FCHO2: variants seen among roughly 807,000 people sequenced by gnomAD.
FCHO2 encodes the protein F-BAR domain only protein 2.
Under a neutral mutation model 114.1 loss-of-function variants are expected in FCHO2, and 43 were observed. That is an observed-to-expected ratio of 0.38 (90% CI 0.30 to 0.49). FCHO2 has a LOEUF of 0.49. FCHO2 is among the 20% of genes least tolerant of loss of function. The pLI is 0.97. For synonymous variants in FCHO2, 293 were observed against 315.2 expected, an observed-to-expected ratio of 0.93 and a Z score of 0.75; for missense variants, 807 against 950.4, an observed-to-expected ratio of 0.85 and a Z score of 1.98.
At chr5:72,983,468 A>G (rs949503354) in intron 2 of FCHO2, among the ~76,000 whole-genome samples, 1 of 150,696 alleles carries the variant, frequency 6.6e-6, no homozygotes. Context: ...GGCTCAATCA[A>G]TTCTTCTGCC....
Position 72,997,582 on chromosome 5 carries a change from C to T in FCHO2, c.495+6718C>T, listed in dbSNP as rs1374689324. 1.6e-5 allele frequency: 21 copies of T among 1,347,936 alleles called. No individual in the cohort carries two copies. The East Asian group carries it at 4.1e-4, about 27-fold the overall frequency. 83.5% of individuals were successfully genotyped at this position (1,347,936 alleles called of 1,614,324 possible). A position where few individuals can be genotyped will look rare whatever the true frequency, so the allele number is the denominator to read the frequency against. On this transcript the variant is annotated intron_variant, in intron 5 of 25. Transcript: ENST00000430046. ...ACCTGCTCCCGATGCTGGATGCCCTCAGGTTCACCGCTGATGTTCGTTCCG... is the reference window on the plus strand; with the variant it reads ...ACCTGCTCCCGATGCTGGATGCCCTTAGGTTCACCGCTGATGTTCGTTCCG...
intron 2 of FCHO2, among the ~76,000 whole-genome samples, chr5:72,976,975 C>T (rs1001297560): frequency 2.6e-5 from 4 of 152,126 alleles, no homozygotes; most frequent in East Asian, 1.9e-4. Flanking sequence ...TTTATGGCTG[C>T]GTAGATTCCA....
chr5:72,979,894 A>G (rs1012090327), intron 2 of FCHO2, among the ~76,000 whole-genome samples: 3 of 152,076 alleles, frequency 2.0e-5, no homozygotes, highest in Admixed American at 6.6e-5. Flanking sequence ...TCAAAAAACC[A>G]GCTCCTGGAT....
At chr5:73,078,585 T>G (rs1269811750) in intron 22 of FCHO2, among the ~76,000 whole-genome samples, 1 of 152,154 alleles carries the variant, frequency 6.6e-6, no homozygotes, top group East Asian at 1.9e-4. Context: ...ACAATGAAAC[T>G]CCCAAAGTAA....
At chr5:72,964,995 T>A (rs1462182399) in intron 1 of FCHO2, among the ~76,000 whole-genome samples, 1 of 151,788 alleles carries the variant, frequency 6.6e-6, no homozygotes, top group Non-Finnish European at 1.5e-5. Context: ...GCCATCTTGG[T>A]TATCAGATTA....
intron 21 of FCHO2, among the ~76,000 whole-genome samples, chr5:73,077,822 C>T (rs1050019653): frequency 1.3e-5 from 2 of 152,106 alleles, no homozygotes; most frequent in Non-Finnish European, 2.9e-5. Flanking sequence ...TGCACTCCAG[C>T]CTTGGTGACA....
At chr5:73,034,772 A>G (rs1256888643) in intron 9 of FCHO2, 71 bp downstream of exon 9, 3 of 1,246,204 alleles carry the variant, frequency 2.4e-6, no homozygotes, top group Admixed American at 2.5e-5. Flanking sequence ...TTGAACAAAT[A>G]AGGAGGGACT....
At chr5:73,073,159 G>A (rs1437609862) in intron 19 of FCHO2, among the ~76,000 whole-genome samples, 1 of 151,872 alleles carries the variant, frequency 6.6e-6, no homozygotes, top group Non-Finnish European at 1.5e-5. Context: ...AATGACACTT[G>A]ATCAGGCCAC....
At chr5:73,075,098 A>G (rs962379722) in intron 20 of FCHO2, among the ~76,000 whole-genome samples, 1 of 152,176 alleles carries the variant, frequency 6.6e-6, no homozygotes, top group African/African-American at 2.4e-5. Flanking sequence ...TGCACTGAGG[A>G]TACTTTAGTA....
At chr5:73,014,970 G>C (rs1755222937) in intron 6 of FCHO2, among the ~76,000 whole-genome samples, 1 of 151,280 alleles carries the variant, frequency 6.6e-6, no homozygotes, top group South Asian at 2.1e-4. Context: ...AAGCTACTCG[G>C]GTGGCTGAAG....
chr5:73,016,632 A>G (rs1216749101), intron 7 of FCHO2, among the ~76,000 whole-genome samples: 3 of 42,684 alleles, frequency 7.0e-5, no homozygotes, highest in Non-Finnish European at 1.2e-4. Flanking sequence ...TTAAATATTA[A>G]AAAAGATTTT....
chr5:73,065,474 G>A (rs1758019942), intron 18 of FCHO2, among the ~76,000 whole-genome samples: 4 of 151,916 alleles, frequency 2.6e-5, no homozygotes, highest in Non-Finnish European at 5.9e-5. Flanking sequence ...AAAAGTACAA[G>A]CTTATTAGCC....
intron 6 of FCHO2, 81 bp from the exon 7 acceptor site, chr5:73,015,545 C>G: frequency 1.2e-6 from 1 of 842,996 alleles, no homozygotes; most frequent in Non-Finnish European, 1.8e-6. Flanking sequence ...GAGATGATTT[C>G]TGAAAGCTCT....
At chr5:73,026,784 C>T (rs1277427834) in intron 8 of FCHO2, among the ~76,000 whole-genome samples, 5 of 152,002 alleles carry the variant, frequency 3.3e-5, no homozygotes, top group African/African-American at 1.2e-4. Flanking sequence ...CTCCACCTCC[C>T]GGGTTCAAGC....
chr5:73,059,164 G>T (rs980667837), intron 17 of FCHO2, among the ~76,000 whole-genome samples: 1 of 152,128 alleles, frequency 6.6e-6, no homozygotes, highest in Non-Finnish European at 1.5e-5. Context: ...TTCAAAACAA[G>T]AAAATAAAAT....
At chr5:73,051,510 TA>T in intron 12 of FCHO2, 104 bp downstream of exon 12, 1 of 672,272 alleles carries the variant, frequency 1.5e-6, no homozygotes, top group East Asian at 3.3e-5. Flanking sequence ...TTATTAATTA[TA>T]AAATATGGTT....
chr5:73,024,631 G>A (rs112844300), intron 8 of FCHO2, among the ~76,000 whole-genome samples: 2,501 of 151,396 alleles, frequency 0.017, 72 homozygotes, highest in African/African-American at 0.052. Context: ...TAGAGACGGG[G>A]TTTCACCATA....
At chr5:72,993,331 T>C (rs144031254) in intron 5 of FCHO2, among the ~76,000 whole-genome samples, 10 of 152,254 alleles carry the variant, frequency 6.6e-5, no homozygotes, top group South Asian at 4.1e-4. Flanking sequence ...GAAGATAGTA[T>C]GGAGGGACCT....
chr5:73,064,060 C>T (rs1310706670), intron 18 of FCHO2, 116 bp downstream of exon 18: 4 of 970,498 alleles, frequency 4.1e-6, no homozygotes, highest in East Asian at 2.7e-5. Context: ...CATGTCCTCA[C>T]AGTATAGAAA....
Sources: gnomAD v4.1 joint callset for allele counts (sites outside exome capture counted in the v4.1 genomes callset) on GRCh38, gnomAD v4.1.1 for gene constraint, MANE v1.5 for transcripts, NCBI Gene and HGNC (gene_info 2026-07-23, HGNC 2026-07-21) for gene names.